MBOAT4: variants seen among roughly 807,000 people sequenced by gnomAD.
MBOAT4 encodes the protein membrane bound ghrelin O-acyltransferase MBOAT4, also known as membrane-bound ghrelin O-acyltransferase MBOAT4.
MBOAT4 carries 11 observed loss-of-function variants against 13.2 expected under a neutral mutation model. The ratio of observed to expected loss-of-function variants is 0.84; its 90% confidence interval spans 0.53 to 1.38. The LOEUF is 1.38. MBOAT4 is among the 40% of genes most tolerant of loss of function. The pLI, the probability that MBOAT4 is intolerant of heterozygous loss-of-function variation, is 0.00. For synonymous variants in MBOAT4, 202 were observed against 210.3 expected, an observed-to-expected ratio of 0.96 and a Z score of 0.34; for missense variants, 481 against 527.2, an observed-to-expected ratio of 0.91 and a Z score of 0.86.
At chr8:30,138,488 A>G (rs763531777) in intron 2 of MBOAT4, 44 bp downstream of exon 2, 14 of 1,457,234 alleles carry the variant, frequency 9.6e-6, no homozygotes, top group Non-Finnish European at 1.1e-5. Context: ...TGGTGCAAGC[A>G]AACTGTAGGT....
chr8:30,138,817 G>A (rs1803206631), intron 1 of MBOAT4, 61 bp from the exon 2 acceptor site: 2 of 1,332,200 alleles, frequency 1.5e-6, no homozygotes, highest in Non-Finnish European at 2.1e-6. Context: ...AGGAATTACT[G>A]CAGATGTCAC....
At chr8:30,135,205 T>G (rs1803114567) in intron 2 of MBOAT4, among the ~76,000 whole-genome samples, 1 of 152,162 alleles carries the variant, frequency 6.6e-6, no homozygotes. Context: ...TCATTTTCTT[T>G]TAGGGAGACT....
At chr8:30,135,404 C>T (rs866429772) in intron 2 of MBOAT4, among the ~76,000 whole-genome samples, 2 of 152,200 alleles carry the variant, frequency 1.3e-5, no homozygotes, top group African/African-American at 4.8e-5. Flanking sequence ...AATAAAAACT[C>T]GGTAGTGAAG....
intron 2 of MBOAT4, among the ~76,000 whole-genome samples, chr8:30,136,133 T>A (rs1803134128): frequency 6.6e-6 from 1 of 152,182 alleles, no homozygotes; most frequent in African/African-American, 2.4e-5. Context: ...TATTATGGAC[T>A]GAATGTGCCC....
rs766256069 is a variant in MBOAT4 at position 30,132,534 on chromosome 8, C to T, written c.717G>A (p.Glu239=). ...GAGLTDCQQF[E]CIYVVWTTAG... ...CTGTGGTCCACACGACATAGATGCACTCGAATTGCTGGCAATCAGTCAGTC... is the reference window on the plus strand; with the variant it reads ...CTGTGGTCCACACGACATAGATGCATTCGAATTGCTGGCAATCAGTCAGTC... The change falls in exon 3 of 3, where the codon GAG becomes GAA. Residue 239 remains glutamate, a synonymous_variant. Transcript: ENST00000320542. The T allele has an allele frequency of 5.2e-5, 80 of 1,551,634 alleles. 1 individual carries two copies. Among genetic ancestry groups the T allele is most frequent in the South Asian group, 4.2e-4 (35 of 84,070 alleles).
chr8:30,143,347 C>CAAAAA (rs776274086), intron 1 of MBOAT4, among the ~76,000 whole-genome samples: 200 of 143,262 alleles, frequency 1.4e-3, no homozygotes, highest in East Asian at 3.9e-3. Context: ...GACTCCGTCT[C>CAAAAA]AAAAAAAAAA....
At chr8:30,132,944 GTATT>G in intron 2 of MBOAT4, 38 bp from the exon 3 acceptor site, 1 of 1,471,452 alleles carries the variant, frequency 6.8e-7, no homozygotes, top group South Asian at 1.4e-5. Flanking sequence ...AAAACACTCT[GTATT>G]TATTCTCTCT....
intron 1 of MBOAT4, among the ~76,000 whole-genome samples, chr8:30,139,964 A>G (rs1803233584): frequency 6.6e-6 from 1 of 152,212 alleles, no homozygotes; most frequent in African/African-American, 2.4e-5. Flanking sequence ...TTGTCTCTAA[A>G]AAAACCCAAA....
intron 2 of MBOAT4, among the ~76,000 whole-genome samples, chr8:30,135,501 A>T (rs190022901): frequency 6.6e-6 from 1 of 152,330 alleles, no homozygotes; most frequent in East Asian, 1.9e-4. Context: ...TGAGGAATGG[A>T]TCACAATGTG....
At chr8:30,140,985 G>A (rs968174735) in intron 1 of MBOAT4, among the ~76,000 whole-genome samples, 12 of 151,804 alleles carry the variant, frequency 7.9e-5, no homozygotes, top group Admixed American at 1.3e-4. Context: ...CTATCGACAC[G>A]CACCACCATA....
chr8:30,142,476 C>T (rs908138802), intron 1 of MBOAT4, among the ~76,000 whole-genome samples: 1 of 152,204 alleles, frequency 6.6e-6, no homozygotes, highest in Non-Finnish European at 1.5e-5. Flanking sequence ...CTGCCTCAGG[C>T]TCCTAAGTAG....
At chr8:30,144,045 CAGTG>C (rs752501396) in intron 1 of MBOAT4, among the ~76,000 whole-genome samples, 5 of 152,020 alleles carry the variant, frequency 3.3e-5, no homozygotes, top group Admixed American at 6.6e-5. Flanking sequence ...TAATCAGTGA[CAGTG>C]AGAGTAAGTT....
At chr8:30,137,556 T>C (rs1803176338) in intron 2 of MBOAT4, 2 of 1,253,012 alleles carry the variant, frequency 1.6e-6, no homozygotes, top group South Asian at 1.3e-5. Context: ...GTGGCAGTGA[T>C]GATTAGTCAC....
Position 30,132,189 on chromosome 8 carries a change from C to T in MBOAT4, c.1062G>A (p.Met354Ile), listed in dbSNP as rs1424140543. The change falls in exon 3 of 3, where the codon ATG becomes ATA. Residue 354 changes from methionine (M) to isoleucine (I), a missense_variant. Coordinates refer to ENST00000320542, the MANE Select transcript of MBOAT4 (RefSeq NM_001100916.2). ...QVFGFVCWAV[M>I]VEADYLIHSF... The stretch of plus-strand genomic sequence containing the variant: ...AGTGAATCAGGTAGTCAGCTTCCAC[C>T]ATCACGGCCCAGCAAACGAAACCAA... The T allele has an allele frequency of 6.4e-7, 1 of 1,551,872 alleles. No individual in the cohort carries two copies. The highest frequency in any genetic ancestry group is 1.2e-5 in the South Asian group (1 of 84,064).
chr8:30,133,333 C>T (rs930426088), intron 2 of MBOAT4, among the ~76,000 whole-genome samples: 66 of 152,092 alleles, frequency 4.3e-4, no homozygotes, highest in African/African-American at 1.5e-3. Flanking sequence ...TCACTTTTTG[C>T]GTTGTTTGAA....
chr8:30,132,635 T>A lies in MBOAT4; in HGVS notation c.616A>T (p.Ser206Cys). ...CCAAGAATCTGCAGACCCCTCCAGC[T>A]CAGAGCCCAGAAAGAGTGTCTGGGA... ...LHPRHSFWAL[S>C]WRGLQILGLE... Residue 206 changes from serine to cysteine, a missense_variant, in exon 3 of 3, where the codon AGC (serine) becomes TGC (cysteine). By Grantham distance (112) the Ser-to-Cys change is moderately radical. Transcript: ENST00000320542. 2.6e-6 allele frequency: 4 copies of A among 1,551,730 alleles called. No individual in the cohort carries two copies. The highest frequency in any genetic ancestry group is 3.5e-6 in the Non-Finnish European group (4 of 1,147,006).
At chr8:30,137,305 A>G (rs1457832291) in intron 2 of MBOAT4, 49 of 1,551,568 alleles carry the variant, frequency 3.2e-5, no homozygotes, top group Non-Finnish European at 4.2e-5. Context: ...CAAGATGGGA[A>G]CAGCTGAGTC....
intron 1 of MBOAT4, among the ~76,000 whole-genome samples, chr8:30,141,700 G>A (rs1803263687): frequency 6.6e-6 from 1 of 152,082 alleles, no homozygotes; most frequent in African/African-American, 2.4e-5. Context: ...AGGACTCACT[G>A]GTCCTTTTGA....
At position 30,132,191 on chromosome 8, in the gene MBOAT4, T is replaced by G; in HGVS notation, c.1060A>C (p.Met354Leu). 6.4e-7 allele frequency: 1 copy of G among 1,551,810 alleles called. No individual in the cohort carries two copies. The highest frequency in any genetic ancestry group is 8.7e-7 in the Non-Finnish European group (1 of 1,147,030). ...TGAATCAGGTAGTCAGCTTCCACCATCACGGCCCAGCAAACGAAACCAAAC... is the reference window on the plus strand; with the variant it reads ...TGAATCAGGTAGTCAGCTTCCACCAGCACGGCCCAGCAAACGAAACCAAAC... ...QVFGFVCWAVMVEADYLIHSF... is the reference protein window; with the variant it reads ...QVFGFVCWAVLVEADYLIHSF... The change falls in exon 3 of 3, where the codon ATG becomes CTG. Residue 354 changes from methionine to leucine, a missense_variant. Coordinates refer to ENST00000320542, the MANE Select transcript of MBOAT4 (RefSeq NM_001100916.2).
Sources: allele counts gnomAD v4.1 joint callset (sites outside exome capture counted in the v4.1 genomes callset), GRCh38; gene constraint gnomAD v4.1.1; transcripts MANE v1.5; gene names NCBI Gene and HGNC (gene_info 2026-07-23, HGNC 2026-07-21).